IDH1: variants seen among roughly 807,000 people sequenced by gnomAD.
The protein encoded by IDH1 is isocitrate dehydrogenase [NADP] cytoplasmic.
In IDH1, 33 loss-of-function variants were observed where a neutral mutation model predicts 46.1. The observed-to-expected ratio is 0.72, with a 90% CI of 0.54 to 0.96. The LOEUF is 0.96. Ranked by LOEUF, IDH1 falls within the 40% of genes least tolerant of loss-of-function variation. IDH1 has a pLI of 0.00. For synonymous variants in IDH1, 144 were observed against 172.8 expected (o/e 0.83, Z 1.31); for missense variants, 421 against 515.7 (o/e 0.82, Z 1.78).
chr2:208,244,733 T>C (rs1226886715), intron 5 of IDH1, among the ~76,000 whole-genome samples: 4 of 152,220 alleles, frequency 2.6e-5, no homozygotes, highest in Non-Finnish European at 5.9e-5. Context: ...GGTATTTTTG[T>C]TTGTGTGAGT....
chr2:208,240,038 C>T (rs1027490126), intron 7 of IDH1, 35 bp from the exon 8 acceptor site: 47 of 1,612,682 alleles, frequency 2.9e-5, no homozygotes, highest in Non-Finnish European at 3.9e-5. Context: ...TTGGGTCCAA[C>T]TGCATGAAGA....
chr2:208,246,161 G>A (rs1436759100), intron 4 of IDH1, among the ~76,000 whole-genome samples: 3 of 152,130 alleles, frequency 2.0e-5, no homozygotes, highest in Admixed American at 6.6e-5. Context: ...GGATGATGAT[G>A]ATTTTTAGGA....
At chr2:208,238,058 T>G (rs1433737416) in intron 9 of IDH1, among the ~76,000 whole-genome samples, 1 of 148,024 alleles carries the variant, frequency 6.8e-6, no homozygotes, top group South Asian at 2.1e-4. Flanking sequence ...TTTTTTGAGA[T>G]GGAGTCTCGC....
chr2:208,254,009 A>T (rs1295638370), intron 1 of IDH1, 50 bp from the exon 2 acceptor site: 5 of 152,298 alleles, frequency 3.3e-5, no homozygotes, highest in Non-Finnish European at 7.3e-5. Flanking sequence ...CACTCACAGG[A>T]GAATTTAGCT....
chr2:208,254,503 AGTTGCCTGCAGAC>A (rs1688179436), intron 1 of IDH1: 1 of 152,220 alleles, frequency 6.6e-6, no homozygotes, highest in African/African-American at 2.4e-5. Context: ...TCGCCGCCTG[AGTTGCCTGCAGAC>A]GCCCGTCTGC....
chr2:208,249,023 C>T (rs1050055669), intron 3 of IDH1, among the ~76,000 whole-genome samples: 1 of 152,138 alleles, frequency 6.6e-6, no homozygotes, highest in Non-Finnish European at 1.5e-5. Flanking sequence ...TAAGGACCAC[C>T]TTTTTCCCTT....
intron 8 of IDH1, 66 bp downstream of exon 8, chr2:208,239,796 AG>A: frequency 6.5e-7 from 1 of 1,527,662 alleles, no homozygotes; most frequent in Non-Finnish European, 9.1e-7. Context: ...TGAGCAGCCA[AG>A]GGAACACATC....
intron 8 of IDH1, among the ~76,000 whole-genome samples, chr2:208,239,550 T>C (rs1332586095): frequency 2.0e-5 from 3 of 152,248 alleles, no homozygotes; most frequent in African/African-American, 7.2e-5. Context: ...TTTGAAGTGC[T>C]ATCTTTGAAA....
Position 208,239,079 on chromosome 2 carries a change from AC to A in IDH1, c.1145del (p.Gly382ValfsTer11). The A allele has an allele frequency of 6.2e-7, 1 of 1,613,878 alleles. No homozygotes were observed. The highest frequency in any genetic ancestry group is 8.5e-7 in the Non-Finnish European group (1 of 1,179,796). On this transcript the variant is annotated frameshift_variant, in exon 9 of 10. Coordinates refer to ENST00000345146, the MANE Select transcript of IDH1 (RefSeq NM_005896.4). LOFTEE classifies it high-confidence loss of function. ...GGGCATCTTATACTTACTTGGGTAA[AC>A]CTTTAATGCAAGCAGCCAAGTCCTT... ...MTKDLAACIKGLPNVQRSDYL... is the reference protein window; with the variant it reads ...MTKDLAACIKXLPNVQRSDYL...
chr2:208,254,194 A>T (rs1688172042), intron 1 of IDH1: 1 of 152,372 alleles, frequency 6.6e-6, no homozygotes, highest in African/African-American at 2.4e-5. Context: ...GCCCGTTAGC[A>T]GGTCTTGGGG....
intron 5 of IDH1, 98 bp downstream of exon 5, chr2:208,245,221 T>C: frequency 4.1e-6 from 3 of 736,000 alleles, no homozygotes; most frequent in Non-Finnish European, 7.0e-6. Context: ...TCAGATTATA[T>C]TTTTAGGCAG....
At chr2:208,243,283 C>T (rs770262871) in intron 6 of IDH1, 144 bp downstream of exon 6, 15 of 668,162 alleles carry the variant, frequency 2.2e-5, no homozygotes, top group Non-Finnish European at 3.3e-5. Flanking sequence ...CCTGCTAAAC[C>T]TCAGTTTTGC....
chr2:208,242,157 A>G lies in IDH1; in HGVS notation c.699-12T>C, dbSNP rs775710378. On this transcript the variant is annotated splice_polypyrimidine_tract_variant and intron_variant, in intron 6 of 9. Coordinates refer to ENST00000345146, the MANE Select transcript of IDH1 (RefSeq NM_005896.4). ...GGGACTTGTACTGCCTGGGAAACAA[A>G]AGGTAAAAGAGAATAATAATAAAGA... The G allele has an allele frequency of 6.2e-7, 1 of 1,612,812 alleles. No homozygotes were observed. The highest frequency in any genetic ancestry group is 1.7e-5 in the Admixed American group (1 of 60,022).
chr2:208,239,110 A>G lies in IDH1; in HGVS notation c.1115T>C (p.Met372Thr), dbSNP rs765282142. 4 of 1,614,068 alleles carry G rather than the reference A, an allele frequency of 2.5e-6. No individual in the cohort carries two copies. The highest frequency in any genetic ancestry group is 1.7e-5 in the Admixed American group (1 of 60,020). ...AATGCAAGCAGCCAAGTCCTTGGTC[A>G]TGAAGCCAGCCTCAATTGTCTCAAT... is the stretch of plus-strand genomic sequence containing the variant. Reference protein sequence around the residue: ...VSIETIEAGFMTKDLAACIKG... With the variant: ...VSIETIEAGFTTKDLAACIKG... Residue 372 changes from methionine (M) to threonine (T), a missense_variant, in exon 9 of 10, where the codon ATG becomes ACG. Physicochemically the swap from Met to Thr is moderately conservative, Grantham distance 81. Transcript: ENST00000345146.
rs1687868666 is a variant in IDH1, at chr2:208,239,056, G to A, written c.1154+15C>T. 1.2e-6 allele frequency: 2 copies of A among 1,610,890 alleles called. No homozygotes were observed. The highest frequency in any genetic ancestry group is 1.7e-5 in the Admixed American group (1 of 59,978). On this transcript the variant is annotated intron_variant, in intron 9 of 9. Coordinates refer to ENST00000345146, the MANE Select transcript of IDH1 (RefSeq NM_005896.4). Reference sequence around the variant, plus strand: ...TGTTAATTTGACCATAGAAACTAGGGCATCTTATACTTACTTGGGTAAACC... The same window carrying A: ...TGTTAATTTGACCATAGAAACTAGGACATCTTATACTTACTTGGGTAAACC...
At chr2:208,238,393 C>G (rs1189982809) in intron 9 of IDH1, among the ~76,000 whole-genome samples, 1 of 152,144 alleles carries the variant, frequency 6.6e-6, no homozygotes, top group African/African-American at 2.4e-5. Context: ...AAGTATATCC[C>G]CATTATGGGG....
rs757444051 is a variant in IDH1 at position 208,251,448 on chromosome 2, A to G, written c.104T>C (p.Val35Ala). Reference protein sequence around the residue: ...LIKEKLIFPYVELDLHSYDLG... With the variant: ...LIKEKLIFPYAELDLHSYDLG... Reference sequence around the variant, plus strand: ...CATTTACCTATGTAGATCCAATTCCACGTAGGGAAAAATGAGTTTCTCTTT... The same window carrying G: ...CATTTACCTATGTAGATCCAATTCCGCGTAGGGAAAAATGAGTTTCTCTTT... The change falls in exon 3 of 10, where the codon GTG becomes GCG. Residue 35 changes from valine to alanine, a missense_variant. By Grantham distance (64) the Val-to-Ala change is moderately conservative (BLOSUM62 0). Transcript: ENST00000345146. 5.0e-6 allele frequency: 8 copies of G among 1,613,410 alleles called. No individual in the cohort carries two copies. The highest frequency in any genetic ancestry group is 5.9e-6 in the Non-Finnish European group (7 of 1,179,852).
At chr2:208,251,363 T>C in intron 3 of IDH1, 67 bp downstream of exon 3, 1 of 1,580,330 alleles carries the variant, frequency 6.3e-7, no homozygotes, top group East Asian at 2.2e-5. Flanking sequence ...GGACTTCACG[T>C]GTGCACCACC....
At chr2:208,241,895 C>G in intron 7 of IDH1, 99 bp downstream of exon 7, 1 of 1,266,314 alleles carries the variant, frequency 7.9e-7, no homozygotes, top group Non-Finnish European at 1.2e-6. Flanking sequence ...GTTTAACATT[C>G]CAAGATTTTA....
Sources: allele counts gnomAD v4.1 joint callset (sites outside exome capture counted in the v4.1 genomes callset), GRCh38; gene constraint gnomAD v4.1.1; transcripts MANE v1.5; gene names NCBI Gene and HGNC (gene_info 2026-07-23, HGNC 2026-07-21).